SEPTIN6: variants seen among roughly 807,000 people sequenced by gnomAD.
SEPTIN6 encodes septin-6.
Under a neutral mutation model 33.6 loss-of-function variants are expected in SEPTIN6, and 8 were observed. The ratio of observed to expected loss-of-function variants is 0.24; its 90% confidence interval spans 0.14 to 0.43. SEPTIN6 has a LOEUF of 0.43. Ranked by LOEUF, SEPTIN6 falls within the 20% of genes least tolerant of loss-of-function variation. The pLI is 1.00. For missense variants in SEPTIN6, 250 were observed against 340.8 expected (o/e 0.73, Z 2.10); for synonymous variants, 131 against 140.0 (o/e 0.94, Z 0.45).
chrX:119,688,940 C>T lies in SEPTIN6; in HGVS notation c.30+4136G>A, dbSNP rs746995576. On this transcript the variant is annotated intron_variant, in intron 1 of 10. Coordinates refer to ENST00000394610, the MANE Select transcript of SEPTIN6 (RefSeq NM_145799.4). ...TACCTTTAGTGGGTGGTGGTAGGAA[C>T]GCCTGAAGCAGAGACCTCAAAGGGA... Among the ~76,000 whole-genome samples, 31 of 110,777 alleles carry T rather than the reference C, an allele frequency of 2.8e-4. 1 individual carries two copies. The Admixed American group carries it at 2.8e-3, about 10-fold the overall frequency.
chrX:119,687,343 C>T (rs2055074772), intron 1 of SEPTIN6, among the ~76,000 whole-genome samples: 1 of 108,271 alleles, frequency 9.2e-6, no homozygotes, highest in African/African-American at 3.4e-5. Context: ...CTCCGCCTCC[C>T]GGGTTCACGC....
chrX:119,658,070 T>C (rs1264127825), intron 3 of SEPTIN6, among the ~76,000 whole-genome samples: 3 of 111,789 alleles, frequency 2.7e-5, no homozygotes, highest in Non-Finnish European at 5.6e-5. Context: ...GAGCTTGCAG[T>C]AAGCCGAGAT....
intron 5 of SEPTIN6, among the ~76,000 whole-genome samples, chrX:119,646,347 T>G (rs1439776471): frequency 3.6e-5 from 4 of 112,022 alleles, no homozygotes; most frequent in Non-Finnish European, 7.5e-5. Context: ...CAATTGCCTT[T>G]GTGGGAACCA....
At chrX:119,686,421 T>TC in intron 1 of SEPTIN6, 1 of 274,238 alleles carries the variant, frequency 3.6e-6, no homozygotes, top group Non-Finnish European at 6.6e-6. Flanking sequence ...CTGAGGCCTC[T>TC]CGCTGAGAAG....
chrX:119,670,192 AT>A (rs2147607062), intron 2 of SEPTIN6, among the ~76,000 whole-genome samples: 1 of 111,497 alleles, frequency 9.0e-6, no homozygotes, highest in East Asian at 2.8e-4. Flanking sequence ...CTCTTCGGTA[AT>A]TATGGTCAAC....
At chrX:119,668,330 G>A (rs2054682800) in intron 2 of SEPTIN6, among the ~76,000 whole-genome samples, 1 of 83,510 alleles carries the variant, frequency 1.2e-5, no homozygotes, top group East Asian at 4.3e-4. Flanking sequence ...GAGAGAGAGA[G>A]AGACAGAGAG....
chrX:119,666,757 TC>T (rs761176506), intron 2 of SEPTIN6, among the ~76,000 whole-genome samples: 188 of 111,486 alleles, frequency 1.7e-3, no homozygotes, highest in African/African-American at 5.6e-3. Context: ...CCCTTTTTCC[TC>T]CCCTAAAGGA....
Position 119,642,887 on chromosome X carries a change from C to T in SEPTIN6, c.691-2099G>A, listed in dbSNP as rs1035141972. Among the ~76,000 whole-genome samples the T allele has an allele frequency of 3.6e-5, 4 of 110,835 alleles. No individual in the cohort carries two copies. In the Admixed American group the frequency reaches 3.9e-4, roughly 11 times the overall value. On this transcript the variant is annotated intron_variant, in intron 5 of 10. Transcript: ENST00000394610. ...TCAGACGATCGTCTCAGACACCCTC[C>T]GACCCCTCCCCACTCCACTGACTGT...
intron 5 of SEPTIN6, among the ~76,000 whole-genome samples, chrX:119,644,011 C>T (rs1013635993): frequency 1.7e-4 from 19 of 111,618 alleles, no homozygotes; most frequent in African/African-American, 4.6e-4. Context: ...ACCCTCCCCC[C>T]GCACCACCAC....
Position 119,677,980 on chromosome X carries a change from C to T in SEPTIN6, c.31-2312G>A, listed in dbSNP as rs759980907. Among the ~76,000 whole-genome samples, 6 of 112,880 alleles carry T rather than the reference C, an allele frequency of 5.3e-5. No individual in the cohort carries two copies. The South Asian group carries it at 2.2e-3, about 41-fold the overall frequency. On this transcript the variant is annotated intron_variant, in intron 1 of 10. Coordinates refer to ENST00000394610, the MANE Select transcript of SEPTIN6 (RefSeq NM_145799.4). ...GGGTGCAGTGGCTCGCACCTGCAAT[C>T]GCAGCACTTGGGGAGGCCGAAGTGG...
At chrX:119,647,228 G>C (rs2054274259) in intron 5 of SEPTIN6, among the ~76,000 whole-genome samples, 1 of 108,325 alleles carries the variant, frequency 9.2e-6, no homozygotes, top group African/African-American at 3.4e-5. Context: ...GTGAGAGCCT[G>C]TCTCAAAAAA....
intron 5 of SEPTIN6, among the ~76,000 whole-genome samples, chrX:119,644,586 C>G (rs58462589): frequency 9.0e-6 from 1 of 111,062 alleles, no homozygotes; most frequent in Non-Finnish European, 1.9e-5. Flanking sequence ...TGGTGGCTCA[C>G]GCCTGTAATC....
chrX:119,655,543 C>T (rs1032913095), intron 3 of SEPTIN6, among the ~76,000 whole-genome samples: 1 of 111,423 alleles, frequency 9.0e-6, no homozygotes, highest in African/African-American at 3.3e-5. Context: ...TTTCTCATAT[C>T]CTTCTCAACT....
chrX:119,675,187 G>A (rs909809810), intron 2 of SEPTIN6, among the ~76,000 whole-genome samples: 9 of 111,500 alleles, frequency 8.1e-5, no homozygotes, highest in African/African-American at 2.6e-4. Context: ...GCCCACAGCT[G>A]GTGGGCAGGC....
chrX:119,685,052 AGAG>A (rs1170656194), intron 1 of SEPTIN6, among the ~76,000 whole-genome samples: 1 of 112,045 alleles, frequency 8.9e-6, no homozygotes, highest in East Asian at 2.8e-4. Context: ...CTTACCAGAC[AGAG>A]GAGGAGGCCC....
At chrX:119,663,262 A>G (rs1187852651) in intron 3 of SEPTIN6, among the ~76,000 whole-genome samples, 1 of 111,526 alleles carries the variant, frequency 9.0e-6, no homozygotes, top group Non-Finnish European at 1.9e-5. Context: ...TACTAGAAAG[A>G]CACCCTTCTT....
intron 3 of SEPTIN6, among the ~76,000 whole-genome samples, chrX:119,658,083 C>A (rs948578745): frequency 5.4e-5 from 6 of 111,898 alleles, no homozygotes; most frequent in Non-Finnish European, 1.1e-4. Context: ...GCCGAGATAG[C>A]GCCACTGCAC....
chrX:119,630,212 C>T (rs779131810), intron 8 of SEPTIN6, among the ~76,000 whole-genome samples: 2 of 112,473 alleles, frequency 1.8e-5, no homozygotes, highest in Non-Finnish European at 3.8e-5. Context: ...ATTGTTACCA[C>T]ATTCCTATGA....
At chrX:119,646,723 GC>G (rs201115675) in intron 5 of SEPTIN6, 4,810 of 238,305 alleles carry the variant, frequency 0.02, 60 homozygotes, top group Non-Finnish European at 0.031. Context: ...GATTTCTTCC[GC>G]TTCTTCCAAT....
Sources: allele counts gnomAD v4.1 joint callset (sites outside exome capture counted in the v4.1 genomes callset), GRCh38; gene constraint gnomAD v4.1.1; transcripts MANE v1.5; gene names NCBI Gene and HGNC (gene_info 2026-07-23, HGNC 2026-07-21).